Variants in NALCN observed in about 807,000 individuals in gnomAD.
NALCN encodes the protein sodium leak channel NALCN.
In NALCN, 111 loss-of-function variants were observed where a neutral mutation model predicts 225.3. That is an observed-to-expected ratio of 0.49 (90% CI 0.42 to 0.58). The LOEUF is 0.58. NALCN is among the 20% of genes least tolerant of loss of function. NALCN has a pLI of 0.00. For missense variants in NALCN, 1,378 were observed against 2,202.4 expected, an observed-to-expected ratio of 0.63 and a Z score of 7.49; for synonymous variants, 764 against 769.0, an observed-to-expected ratio of 0.99 and a Z score of 0.11.
At chr13:101,408,892 G>A (rs544154270) in intron 1 of NALCN, among the ~76,000 whole-genome samples, 1 of 152,238 alleles carries the variant, frequency 6.6e-6, no homozygotes, top group Non-Finnish European at 1.5e-5. Flanking sequence ...TCCAAAAACA[G>A]ACTCTTCTGT....
chr13:101,112,867 A>G (rs2035518505), intron 18 of NALCN, among the ~76,000 whole-genome samples: 2 of 152,216 alleles, frequency 1.3e-5, no homozygotes, highest in African/African-American at 4.8e-5. Context: ...CATGTATAAT[A>G]GAAGCATTTT....
At chr13:101,206,102 G>T (rs930862930) in intron 13 of NALCN, among the ~76,000 whole-genome samples, 1 of 151,960 alleles carries the variant, frequency 6.6e-6, no homozygotes, top group Non-Finnish European at 1.5e-5. Context: ...TACAAATGTG[G>T]AAATATGACT....
At chr13:101,373,435 A>C (rs2046598342) in intron 6 of NALCN, among the ~76,000 whole-genome samples, 1 of 152,222 alleles carries the variant, frequency 6.6e-6, no homozygotes, top group Non-Finnish European at 1.5e-5. Flanking sequence ...CAAATCTTCC[A>C]ATGTATAAAG....
chr13:101,398,271 G>C lies in NALCN; in HGVS notation c.108+748C>G, dbSNP rs139370951. On this transcript the variant is annotated intron_variant, in intron 2 of 43. Transcript: ENST00000251127. ...GGCAGATTAGAGGAAGAGAGACTGG[G>C]AAGGACAGCAAAGAGTCCAAGCAGA... Among the ~76,000 whole-genome samples, 13 of 152,326 alleles carry C rather than the reference G, an allele frequency of 8.5e-5. 2 individuals are homozygous for C. Among genetic ancestry groups the C allele is most frequent in the African/African-American group, 3.1e-4 (13 of 41,574 alleles).
intron 1 of NALCN, among the ~76,000 whole-genome samples, chr13:101,413,265 T>A (rs2047839621): frequency 6.6e-6 from 1 of 152,122 alleles, no homozygotes. Flanking sequence ...CATAAATAAA[T>A]TATAATCTGA....
chr13:101,404,854 T>C (rs191257436), intron 1 of NALCN, among the ~76,000 whole-genome samples: 348 of 152,306 alleles, frequency 2.3e-3, no homozygotes, highest in Non-Finnish European at 3.0e-3. Flanking sequence ...TCTTGTCCCA[T>C]AGCTCATTCA....
At chr13:101,289,072 TG>T (rs1449017495) in intron 9 of NALCN, among the ~76,000 whole-genome samples, 1 of 152,234 alleles carries the variant, frequency 6.6e-6, no homozygotes, top group Non-Finnish European at 1.5e-5. Flanking sequence ...AGTTGTGGCC[TG>T]GGTAACCCTA....
At chr13:101,332,761 G>A (rs1340180783) in intron 7 of NALCN, among the ~76,000 whole-genome samples, 2 of 152,190 alleles carry the variant, frequency 1.3e-5, no homozygotes, top group African/African-American at 2.4e-5. Flanking sequence ...GACAAGTTAC[G>A]TAAATGTGAG....
At position 101,292,337 on chromosome 13, in the gene NALCN, C is replaced by T. The variant is rs759934018; in HGVS notation, c.829G>A (p.Ala277Thr). The change falls in exon 8 of 44, where the codon GCC becomes ACC. Residue 277 changes from alanine (A) to threonine (T), a missense_variant. This residue lies in a region of NALCN where 67 missense variants were observed against 82.1 expected (regional missense o/e 0.82). Transcript: ENST00000251127. The surrounding 1 kb of genome is among the most constrained non-coding windows in gnomAD (Gnocchi z 4.3). Reference protein sequence around the residue: ...GTSIFTVYEAASQEGWVFLMY... With the variant: ...GTSIFTVYEATSQEGWVFLMY... ...AGGAACACCCAGCCTTCCTGTGAGG[C>T]GGCCTCATAGACGGTGAATATACTA... 1 of 1,614,042 alleles carries T rather than the reference C, an allele frequency of 6.2e-7. No individual in the cohort carries two copies. The highest frequency in any genetic ancestry group is 8.5e-7 in the Non-Finnish European group (1 of 1,180,002).
At chr13:101,222,104 C>T (rs2040963397) in intron 13 of NALCN, among the ~76,000 whole-genome samples, 1 of 152,084 alleles carries the variant, frequency 6.6e-6, no homozygotes, top group South Asian at 2.1e-4. Context: ...GACTATTAGC[C>T]CAACTTATGG....
At chr13:101,234,340 G>GA (rs1045911288) in intron 12 of NALCN, among the ~76,000 whole-genome samples, 2 of 152,192 alleles carry the variant, frequency 1.3e-5, no homozygotes, top group Admixed American at 1.3e-4. Flanking sequence ...ATAAATACAT[G>GA]AATAACTTCA....
chr13:101,148,003 C>T (rs1393798312), intron 15 of NALCN, among the ~76,000 whole-genome samples: 1 of 152,148 alleles, frequency 6.6e-6, no homozygotes, highest in Non-Finnish European at 1.5e-5. Context: ...ACAAAGTTTT[C>T]CTCTTACAAG....
intron 7 of NALCN, among the ~76,000 whole-genome samples, chr13:101,325,746 G>T (rs2044928808): frequency 6.6e-6 from 1 of 152,090 alleles, no homozygotes; most frequent in Non-Finnish European, 1.5e-5. Flanking sequence ...GTTTAAACAT[G>T]GTGTGTGTGG....
chr13:101,387,176 G>A (rs2047014190), intron 3 of NALCN, among the ~76,000 whole-genome samples: 1 of 142,222 alleles, frequency 7.0e-6, no homozygotes, highest in Non-Finnish European at 1.5e-5. Context: ...AGCCGAGATT[G>A]CGCCACTGCA....
chr13:101,247,752 G>C (rs2041941880), intron 11 of NALCN, among the ~76,000 whole-genome samples: 1 of 152,032 alleles, frequency 6.6e-6, no homozygotes, highest in Non-Finnish European at 1.5e-5. Context: ...ATAAACCCAT[G>C]ACCTAGGTAT....
At chr13:101,197,633 T>C (rs1051248466) in intron 13 of NALCN, among the ~76,000 whole-genome samples, 1 of 152,216 alleles carries the variant, frequency 6.6e-6, no homozygotes, top group African/African-American at 2.4e-5. Context: ...GCCTCCCTGC[T>C]GATAACTGCA....
At chr13:101,357,598 G>T (rs2046101680) in intron 6 of NALCN, among the ~76,000 whole-genome samples, 1 of 152,066 alleles carries the variant, frequency 6.6e-6, no homozygotes, top group Non-Finnish European at 1.5e-5. Context: ...TCATGAAAAT[G>T]GCCATACTGC....
chr13:101,355,372 GA>G (rs35686654), intron 6 of NALCN, among the ~76,000 whole-genome samples: 57 of 146,764 alleles, frequency 3.9e-4, no homozygotes, highest in East Asian at 1.2e-3. Context: ...CAAATGGAAA[GA>G]AAAAAAAAAA....
intron 13 of NALCN, among the ~76,000 whole-genome samples, chr13:101,197,125 T>C (rs1325373035): frequency 6.6e-6 from 1 of 152,212 alleles, no homozygotes; most frequent in Non-Finnish European, 1.5e-5. Context: ...GAGTGGTTCT[T>C]ATCACTTTCC....
Sources: gnomAD v4.1 joint callset for allele counts (sites outside exome capture counted in the v4.1 genomes callset) on GRCh38, gnomAD v4.1.1 for gene constraint, gnomAD v4.1.1 regional missense constraint, Gnocchi (gnomAD v3.1) non-coding constraint, MANE v1.5 for transcripts, NCBI Gene and HGNC (gene_info 2026-07-23, HGNC 2026-07-21) for gene names.